The following FBXL2 variants were observed in gnomAD, a reference collection of about 807,000 sequenced individuals.
The protein encoded by FBXL2 is F-box and leucine rich repeat protein 2.
FBXL2 carries 38 observed loss-of-function variants against 69.2 expected under a neutral mutation model. That is an observed-to-expected ratio of 0.55 (90% confidence interval 0.42 to 0.72). FBXL2 has a LOEUF of 0.72. FBXL2 is among the 30% of genes least tolerant of loss of function. The probability of loss-of-function intolerance (pLI) is 0.00; values close to 1 mark genes in which losing one functional copy is unlikely to be tolerated. For missense variants in FBXL2, 354 were observed against 520.3 expected, an observed-to-expected ratio of 0.68 and a Z score of 3.11; for synonymous variants, 192 against 201.3, an observed-to-expected ratio of 0.95 and a Z score of 0.39.
chr3:33,281,033 TTTTTTAA>T (rs2033941758), intron 1 of FBXL2, among the ~76,000 whole-genome samples: 2 of 152,170 alleles, frequency 1.3e-5, no homozygotes, highest in South Asian at 2.1e-4. Flanking sequence ...TTAAAGTGAT[TTTTTTAA>T]TTTTTAATTT....
At chr3:33,304,430 T>G (rs1387282102) in intron 2 of FBXL2, among the ~76,000 whole-genome samples, 1 of 152,138 alleles carries the variant, frequency 6.6e-6, no homozygotes, top group Non-Finnish European at 1.5e-5. Flanking sequence ...CTTAGAAATG[T>G]TTTTCACTCA....
intron 1 of FBXL2, among the ~76,000 whole-genome samples, chr3:33,293,208 A>G (rs2035419110): frequency 6.6e-6 from 1 of 152,192 alleles, no homozygotes; most frequent in South Asian, 2.1e-4. Flanking sequence ...CATCATAGCT[A>G]CCATTTGTTA....
chr3:33,288,525 G>GAAGGGAAGGCCTCTCTGATT (rs1156983944), intron 1 of FBXL2, among the ~76,000 whole-genome samples: 3 of 152,210 alleles, frequency 2.0e-5, no homozygotes, highest in Admixed American at 2.0e-4. Flanking sequence ...ATGTAGAATA[G>GAAGGGAAGGCCTCTCTGATT]AAGGGAAGGC....
intron 2 of FBXL2, among the ~76,000 whole-genome samples, chr3:33,341,832 GAAAA>G (rs56386082): frequency 2.0e-3 from 118 of 58,534 alleles, no homozygotes; most frequent in African/African-American, 6.7e-3. Context: ...TCCGTCTCAG[GAAAA>G]AAAAAAAAAA....
intron 2 of FBXL2, among the ~76,000 whole-genome samples, chr3:33,337,749 TAAAC>T (rs1394175952): frequency 6.6e-6 from 1 of 152,152 alleles, no homozygotes; most frequent in Non-Finnish European, 1.5e-5. Context: ...TTAGATCTGA[TAAAC>T]AACTTCAGCG....
At chr3:33,392,696 T>C, downstream of FBXL2, 1 of 1,349,188 alleles carries the variant, frequency 7.4e-7, no homozygotes, top group Non-Finnish European at 1.0e-6. Flanking sequence ...GTAAATATTC[T>C]TCTCAAACAA....
intron 2 of FBXL2, chr3:33,317,558 A>G (rs67505561): frequency 0.14 from 62,074 of 455,744 alleles, 6,170 homozygotes; most frequent in East Asian, 0.43. Context: ...TTTTGTAGCA[A>G]TGATGAGATT....
Position 33,384,198 on chromosome 3 carries a change from G to A in FBXL2, c.1161G>A (p.Met387Ile). 1 of 1,613,886 alleles carries A rather than the reference G, an allele frequency of 6.2e-7. No individual in the cohort carries two copies. The highest frequency in any genetic ancestry group is 8.5e-7 in the Non-Finnish European group (1 of 1,179,950). The change falls in exon 14 of 15, where the codon ATG becomes ATA. Residue 387 changes from methionine (M) to isoleucine (I), a missense_variant. Met to Ile is a conservative substitution (Grantham distance 10). Transcript: ENST00000484457. The part of the protein sequence containing the change: ...QQVTRAGIKR[M>I]RAQLPHVKVH... ...TTACCCGTGCAGGCATCAAGCGGAT[G>A]CGGGTAGGTATGGGGCAGGGGAGTC...
At chr3:33,345,500 G>C (rs2040367469) in intron 2 of FBXL2, among the ~76,000 whole-genome samples, 1 of 152,118 alleles carries the variant, frequency 6.6e-6, no homozygotes, top group Non-Finnish European at 1.5e-5. Context: ...AGACTTTCTT[G>C]TGAACATAAT....
the FBXL2 span, among the ~76,000 whole-genome samples, chr3:33,419,652 A>G: frequency 6.6e-6 from 1 of 151,890 alleles, no homozygotes; most frequent in African/African-American, 2.4e-5. Context: ...AAACCAGAAG[A>G]AAAGAAAAGA....
At chr3:33,294,694 C>T (rs2035575250) in intron 1 of FBXL2, among the ~76,000 whole-genome samples, 1 of 151,848 alleles carries the variant, frequency 6.6e-6, no homozygotes, top group Non-Finnish European at 1.5e-5. Context: ...ATTTTAAAAA[C>T]TAGCTGGGTG....
intron 13 of FBXL2, among the ~76,000 whole-genome samples, chr3:33,381,827 T>C (rs1046006113): frequency 2.6e-5 from 4 of 152,188 alleles, no homozygotes; most frequent in Admixed American, 2.6e-4. Context: ...ACAGCATTGA[T>C]TACATAAATA....
At chr3:33,356,722 G>A (rs190852619) in intron 2 of FBXL2, among the ~76,000 whole-genome samples, 1 of 152,134 alleles carries the variant, frequency 6.6e-6, no homozygotes, top group South Asian at 2.1e-4. Flanking sequence ...GAACTCTTAC[G>A]GGTTTCCAGA....
intron 12 of FBXL2, chr3:33,400,168 T>A: frequency 6.9e-7 from 1 of 1,444,332 alleles, no homozygotes. Context: ...CATGCACAGA[T>A]ACACACACAC....
chr3:33,326,597 C>A (rs1220425612), intron 2 of FBXL2, among the ~76,000 whole-genome samples: 1 of 151,644 alleles, frequency 6.6e-6, no homozygotes, highest in African/African-American at 2.4e-5. Context: ...TACAGTGAAA[C>A]CTCCAATTTA....
intron 1 of FBXL2, among the ~76,000 whole-genome samples, chr3:33,287,683 G>C (rs1194749528): frequency 6.6e-6 from 1 of 152,132 alleles, no homozygotes. Context: ...AAATTGAGTA[G>C]GCAGTTTGCC....
chr3:33,377,317 T>A lies in FBXL2; in HGVS notation c.833T>A (p.Phe278Tyr). 1.2e-6 allele frequency: 2 copies of A among 1,614,178 alleles called. No individual in the cohort carries two copies. The highest frequency in any genetic ancestry group is 1.7e-6 in the Non-Finnish European group (2 of 1,180,018). ...ARCSHLTDAG[F>Y]TLLARNCHEL... is the part of the protein sequence containing the mutation. ...TGCTCCCATTTGACTGACGCAGGTT[T>A]TACACTTTTAGCTCGGGTAAGGCAT... Residue 278 changes from phenylalanine to tyrosine, a missense_variant, in exon 11 of 15, where the codon TTT (phenylalanine) becomes TAT (tyrosine). Transcript: ENST00000484457.
In FBXL2 at chr3:33,375,285, C is replaced by T. The variant is rs2042562599; in HGVS notation, c.658-3C>T. ...CTTTTCTTTCTGTGCTGCTTTTCCT[C>T]AGCGTATCACGGATGAAGGTGTGGT... On this transcript the variant is annotated splice_region_variant and splice_polypyrimidine_tract_variant and intron_variant, in intron 9 of 14. Transcript: ENST00000484457. 1.2e-6 allele frequency: 2 copies of T among 1,610,960 alleles called. No individual in the cohort carries two copies. Among genetic ancestry groups the T allele is most frequent in the Non-Finnish European group, 1.7e-6 (2 of 1,177,278 alleles).
rs1333220963 is a variant in FBXL2 at position 33,387,613 on chromosome 3, AAAACAAAAC to A, written c.*2013_*2021del. On this transcript the variant is annotated 3_prime_UTR_variant, in exon 15 of 15. Transcript: ENST00000484457. ...AACAGTGAGACTCCATCATCATCTC[AAAACAAAAC>A]AAACAAACAAACAAAACAAACCACC... 1 of 111,802 alleles carries A rather than the reference AAAACAAAAC, an allele frequency of 8.9e-6. No homozygotes were observed. The highest frequency in any genetic ancestry group is 1.8e-5 in the Non-Finnish European group (1 of 55,588). The allele number at this position is 111,802 out of a possible 1,614,324, so 6.9% of individuals were successfully genotyped here. A position where few individuals can be genotyped will look rare whatever the true frequency, so the allele number is the denominator to read the frequency against.
Sources: gnomAD v4.1 joint callset for allele counts (sites outside exome capture counted in the v4.1 genomes callset) on GRCh38, gnomAD v4.1.1 for gene constraint, MANE v1.5 for transcripts, NCBI Gene and HGNC (gene_info 2026-07-23, HGNC 2026-07-21) for gene names.